The following ATP6V0D2 variants were observed in gnomAD, a reference collection of about 807,000 sequenced individuals.
ATP6V0D2 encodes the protein V-type proton ATPase subunit d 2.
A neutral mutation model predicts 40.0 loss-of-function variants in ATP6V0D2; 40 were observed. That is an observed-to-expected ratio of 1.00 (90% CI 0.78 to 1.30). The LOEUF is 1.30. ATP6V0D2 is among the 50% of genes most tolerant of loss of function. ATP6V0D2 has a pLI of 0.00. For missense variants in ATP6V0D2, 470 were observed against 423.1 expected, an observed-to-expected ratio of 1.11 and a Z score of -0.97; for synonymous variants, 179 against 156.3, an observed-to-expected ratio of 1.15 and a Z score of -1.08.
At chr8:86,142,048 C>T (rs1201343855) in intron 4 of ATP6V0D2, among the ~76,000 whole-genome samples, 1 of 152,136 alleles carries the variant, frequency 6.6e-6, no homozygotes, top group Non-Finnish European at 1.5e-5. Flanking sequence ...ACTGTGCTGC[C>T]ACCATTTGAG....
Position 86,150,178 on chromosome 8 carries a change from G to T in ATP6V0D2, c.706G>T (p.Asp236Tyr). The change falls in exon 6 of 8, where the codon GAC becomes TAC. Residue 236 changes from aspartate (D) to tyrosine (Y), a missense_variant. Transcript: ENST00000285393. ...CTTTGGCACTGAATTGAGCAAAGAAGACCGAGAGACCCTCTATCCAACCTT... is the reference window on the plus strand; with the variant it reads ...CTTTGGCACTGAATTGAGCAAAGAATACCGAGAGACCCTCTATCCAACCTT... ...NSFGTELSKE[D>Y]RETLYPTFGK... is the part of the protein sequence containing the mutation. 6.2e-7 allele frequency: 1 copy of T among 1,613,502 alleles called. No homozygotes were observed. The highest frequency in any genetic ancestry group is 8.5e-7 in the Non-Finnish European group (1 of 1,179,910).
intron 1 of ATP6V0D2, among the ~76,000 whole-genome samples, chr8:86,106,738 T>C (rs1434132487): frequency 1.3e-5 from 2 of 152,212 alleles, no homozygotes; most frequent in Non-Finnish European, 2.9e-5. Context: ...ATGAAGATTT[T>C]CAACCCTAGT....
chr8:86,109,905 G>T (rs1818510245), intron 1 of ATP6V0D2, among the ~76,000 whole-genome samples: 1 of 152,056 alleles, frequency 6.6e-6, no homozygotes, highest in Admixed American at 6.6e-5. Flanking sequence ...AGCTACCAGA[G>T]CAATCCATTC....
chr8:86,145,298 A>G (rs1192861866), intron 5 of ATP6V0D2, among the ~76,000 whole-genome samples: 2 of 108,408 alleles, frequency 1.8e-5, no homozygotes, highest in African/African-American at 6.8e-5. Context: ...AGAAAGAAAG[A>G]AAGAAAGAAA....
At chr8:86,119,586 T>C (rs1438458301) in intron 2 of ATP6V0D2, among the ~76,000 whole-genome samples, 1 of 152,144 alleles carries the variant, frequency 6.6e-6, no homozygotes, top group East Asian at 1.9e-4. Context: ...TAAGCAAGCA[T>C]CCTTATTTCA....
chr8:86,128,705 C>T (rs113676652), intron 2 of ATP6V0D2, among the ~76,000 whole-genome samples: 4 of 152,160 alleles, frequency 2.6e-5, no homozygotes, highest in Non-Finnish European at 5.9e-5. Flanking sequence ...TCTGGGGTTA[C>T]AAGATACAAA....
At chr8:86,111,155 C>G (rs886118464) in intron 1 of ATP6V0D2, among the ~76,000 whole-genome samples, 1 of 151,698 alleles carries the variant, frequency 6.6e-6, no homozygotes, top group African/African-American at 2.4e-5. Flanking sequence ...ACTTGTCCCC[C>G]ACTAAGTCGT....
chr8:86,145,238 AGAGAGAGAGAGAGAGAG>A (rs1819039814), intron 5 of ATP6V0D2, among the ~76,000 whole-genome samples: 2 of 39,402 alleles, frequency 5.1e-5, no homozygotes, highest in Admixed American at 5.0e-4. Context: ...AAAGAAAGAG[AGAGAGAGAGAGAGAGAG>A]AGAAAGAAAG....
At chr8:86,151,233 T>A (rs1346792187) in intron 6 of ATP6V0D2, among the ~76,000 whole-genome samples, 2 of 152,160 alleles carry the variant, frequency 1.3e-5, no homozygotes, top group African/African-American at 4.8e-5. Context: ...TACTGAGAGT[T>A]GAATTGCCTT....
intron 1 of ATP6V0D2, among the ~76,000 whole-genome samples, chr8:86,103,549 G>C (rs1362835013): frequency 6.6e-6 from 1 of 152,082 alleles, no homozygotes; most frequent in Non-Finnish European, 1.5e-5. Flanking sequence ...TTCTCCAGCA[G>C]TGTCTTCAGG....
intron 5 of ATP6V0D2, among the ~76,000 whole-genome samples, chr8:86,145,345 GGAAA>G (rs1280671860): frequency 0.13 from 7,846 of 62,674 alleles, 490 homozygotes; most frequent in Non-Finnish European, 0.14. Context: ...AAGGAAAGAA[GGAAA>G]GAAGGAAGGA....
At chr8:86,112,010 T>A (rs529003529) in intron 1 of ATP6V0D2, among the ~76,000 whole-genome samples, 1 of 152,334 alleles carries the variant, frequency 6.6e-6, no homozygotes, top group East Asian at 1.9e-4. Context: ...TGGCAGCACA[T>A]AATAGATGCT....
intron 2 of ATP6V0D2, among the ~76,000 whole-genome samples, chr8:86,135,433 A>G (rs1426733548): frequency 6.6e-6 from 1 of 152,236 alleles, no homozygotes; most frequent in Non-Finnish European, 1.5e-5. Context: ...TGAACCTACT[A>G]GGGAGCCAGC....
chr8:86,101,439 G>T (rs1363226772), intron 1 of ATP6V0D2, among the ~76,000 whole-genome samples: 3 of 133,974 alleles, frequency 2.2e-5, no homozygotes, highest in Non-Finnish European at 3.1e-5. Context: ...CAGCCTGGGC[G>T]ACAGAGTGAG....
chr8:86,126,294 A>G (rs1818745331), intron 2 of ATP6V0D2, among the ~76,000 whole-genome samples: 1 of 135,466 alleles, frequency 7.4e-6, no homozygotes, highest in African/African-American at 2.6e-5. Context: ...GTTCAGGTGT[A>G]CATGTGCAGG....
intron 1 of ATP6V0D2, among the ~76,000 whole-genome samples, chr8:86,107,732 G>A (rs1011294618): frequency 5.3e-5 from 8 of 152,134 alleles, no homozygotes; most frequent in Non-Finnish European, 1.0e-4. Flanking sequence ...GGAGAAATGA[G>A]CCTGGGAAAA....
At chr8:86,145,265 GA>G (rs1563566211) in intron 5 of ATP6V0D2, among the ~76,000 whole-genome samples, 4 of 52,360 alleles carry the variant, frequency 7.6e-5, no homozygotes, top group Non-Finnish European at 1.2e-4. Flanking sequence ...GAGAAAGAAA[GA>G]AAGAAAGAAA....
At chr8:86,143,027 A>G (rs752353042) in intron 5 of ATP6V0D2, 73 bp downstream of exon 5, 19 of 1,052,484 alleles carry the variant, frequency 1.8e-5, no homozygotes, top group African/African-American at 6.6e-5. Context: ...AACCTTACTT[A>G]TATTTCCTTA....
At chr8:86,126,239 T>TATATAC (rs1818741577) in intron 2 of ATP6V0D2, among the ~76,000 whole-genome samples, 1 of 77,472 alleles carries the variant, frequency 1.3e-5, no homozygotes, top group South Asian at 3.7e-4. Flanking sequence ...GCTCAGCCTA[T>TATATAC]ATATATATAT....
Sources: allele counts gnomAD v4.1 joint callset (sites outside exome capture counted in the v4.1 genomes callset), GRCh38; gene constraint gnomAD v4.1.1; transcripts MANE v1.5; gene names NCBI Gene and HGNC (gene_info 2026-07-23, HGNC 2026-07-21).